CYB5A: variants seen among roughly 807,000 people sequenced by gnomAD.
CYB5A encodes cytochrome b5.
Under a neutral mutation model 16.2 loss-of-function variants are expected in CYB5A, and 10 were observed. That is an observed-to-expected ratio of 0.62 (90% CI 0.38 to 1.04). The LOEUF (loss-of-function observed/expected upper bound fraction) is 1.04, where lower values mean the gene tolerates loss of function less well. Ranked by LOEUF, CYB5A falls within the 50% of genes least tolerant of loss-of-function variation. The pLI is 0.01. For synonymous variants in CYB5A, 62 were observed against 57.0 expected, an observed-to-expected ratio of 1.09 and a Z score of -0.40; for missense variants, 161 against 165.9, an observed-to-expected ratio of 0.97 and a Z score of 0.16.
intron 3 of CYB5A, chr18:74,256,473 C>G: frequency 3.7e-6 from 1 of 269,636 alleles, no homozygotes; most frequent in Non-Finnish European, 7.0e-6. Flanking sequence ...GGGAGCAGCT[C>G]TTTTGAGTAG....
At chr18:74,256,806 A>G in intron 3 of CYB5A, 1 of 1,612,388 alleles carries the variant, frequency 6.2e-7, no homozygotes, top group Non-Finnish European at 8.5e-7. Context: ...AAAAGCAAGC[A>G]AAGCAGTTAT....
chr18:74,291,000 G>C (rs1207759359), intron 1 of CYB5A: 1 of 154,200 alleles, frequency 6.5e-6, no homozygotes, highest in Non-Finnish European at 1.4e-5. Flanking sequence ...ACGGCACCTG[G>C]CTGCCAAGGC....
intron 1 of CYB5A, among the ~76,000 whole-genome samples, chr18:74,288,078 C>A (rs1280288602): frequency 1.3e-5 from 2 of 152,186 alleles, no homozygotes; most frequent in Non-Finnish European, 2.9e-5. Flanking sequence ...AACTAAGCAC[C>A]TGCTGCTATG....
chr18:74,259,438 C>T (rs534624932), intron 3 of CYB5A: 2 of 152,248 alleles, frequency 1.3e-5, no homozygotes, highest in South Asian at 2.1e-4. Context: ...TAGTAATGGG[C>T]AATTAATCCA....
chr18:74,278,215 G>A (rs894356314), intron 1 of CYB5A, among the ~76,000 whole-genome samples: 3 of 152,098 alleles, frequency 2.0e-5, no homozygotes, highest in Admixed American at 6.5e-5. Flanking sequence ...CTGACTCCAC[G>A]CCAAGTCTCC....
At chr18:74,254,614 G>C (rs13381982) in intron 4 of CYB5A, among the ~76,000 whole-genome samples, 1 of 151,490 alleles carries the variant, frequency 6.6e-6, no homozygotes, top group African/African-American at 2.4e-5. Flanking sequence ...CCGCCTCCTG[G>C]GTTCACACCA....
intron 1 of CYB5A, among the ~76,000 whole-genome samples, chr18:74,277,715 C>T (rs150258511): frequency 2.8e-4 from 42 of 152,314 alleles, no homozygotes; most frequent in Admixed American, 8.5e-4. Flanking sequence ...AACGCTTAGA[C>T]TCTGTGTGAA....
rs1981820210 is a variant in CYB5A, at chr18:74,252,891, CA to C, written c.*692del. The C allele has an allele frequency of 6.6e-6, 1 of 152,370 alleles. No individual in the cohort carries two copies. The highest frequency in any genetic ancestry group is 1.5e-5 in the Non-Finnish European group (1 of 68,236). 9.4% of individuals were successfully genotyped at this position (152,370 alleles called of 1,614,324 possible). On this transcript the variant is annotated 3_prime_UTR_variant, in exon 5 of 5. Coordinates refer to ENST00000340533, the MANE Select transcript of CYB5A (RefSeq NM_148923.4). ...GCTAATTTTGTATTTTTAGTAGAGA[CA>C]GGGTTTCACCATGTTGGTCAGGCTG...
At chr18:74,257,295 G>A in intron 3 of CYB5A, 1 of 182,960 alleles carries the variant, frequency 5.5e-6, no homozygotes, top group Admixed American at 5.5e-5. Flanking sequence ...TCTGGCACCA[G>A]CATCATCAGC....
chr18:74,262,831 G>A (rs1449350438), intron 2 of CYB5A, among the ~76,000 whole-genome samples: 1 of 152,194 alleles, frequency 6.6e-6, no homozygotes, highest in Non-Finnish European at 1.5e-5. Context: ...GGTGGAGCCT[G>A]CTGACTAAAA....
chr18:74,289,806 G>C (rs1351783013), intron 1 of CYB5A, among the ~76,000 whole-genome samples: 1 of 151,432 alleles, frequency 6.6e-6, no homozygotes, highest in African/African-American at 2.4e-5. Flanking sequence ...AATAGGGGAG[G>C]TGGTGGTACC....
chr18:74,261,926 AT>A (rs1982216735), intron 2 of CYB5A, among the ~76,000 whole-genome samples: 1 of 152,098 alleles, frequency 6.6e-6, no homozygotes, highest in Non-Finnish European at 1.5e-5. Flanking sequence ...GCTGCTAACC[AT>A]GCACCACAAG....
Position 74,283,852 on chromosome 18 carries a change from C to A in CYB5A, c.129+7895G>T, listed in dbSNP as rs142951317. Among the ~76,000 whole-genome samples the A allele has an allele frequency of 2.5e-3, 385 of 152,308 alleles. 1 individual carries two copies. The highest frequency in any genetic ancestry group is 8.9e-3 in the African/African-American group (370 of 41,572). ...CTTATCGTCTGTGGGACTTGCTGAG[C>A]AAGCTGCAAAATCTCCCTAAGACAT... On this transcript the variant is annotated intron_variant, in intron 1 of 4. Transcript: ENST00000340533.
At chr18:74,280,315 G>A (rs568777942) in intron 1 of CYB5A, among the ~76,000 whole-genome samples, 70 of 151,872 alleles carry the variant, frequency 4.6e-4, no homozygotes, top group African/African-American at 1.6e-3. Flanking sequence ...TGTAATCCTG[G>A]CACTTTGGGA....
At chr18:74,291,643 G>A in intron 1 of CYB5A, 104 bp downstream of exon 1, 2 of 1,546,270 alleles carry the variant, frequency 1.3e-6, no homozygotes, top group East Asian at 2.3e-5. Context: ...GGCGCGCCTA[G>A]GCGTAGGTAT....
chr18:74,257,233 C>T (rs1982021744), intron 3 of CYB5A: 1 of 273,876 alleles, frequency 3.7e-6, no homozygotes, highest in South Asian at 4.2e-5. Flanking sequence ...CCCACCTGCC[C>T]TCCTGCTGCC....
intron 4 of CYB5A, among the ~76,000 whole-genome samples, chr18:74,254,999 A>G (rs764639483): frequency 4.6e-5 from 7 of 152,256 alleles, no homozygotes; most frequent in Non-Finnish European, 7.3e-5. Context: ...CATAAGAATT[A>G]CAAGTGTAAC....
chr18:74,255,566 C>A (rs996427671), intron 4 of CYB5A, among the ~76,000 whole-genome samples, 175 bp downstream of exon 4: 1 of 152,118 alleles, frequency 6.6e-6, no homozygotes. Flanking sequence ...TGTTCACAGT[C>A]GGCTACCTGA....
chr18:74,279,569 A>AAAG (rs147314006), intron 1 of CYB5A, among the ~76,000 whole-genome samples: 35,603 of 152,028 alleles, frequency 0.23, 4,454 homozygotes, highest in South Asian at 0.34. Context: ...ATAAAAAACA[A>AAAG]AAGAGATAAT....
Sources: gnomAD v4.1 joint callset for allele counts (sites outside exome capture counted in the v4.1 genomes callset) on GRCh38, gnomAD v4.1.1 for gene constraint, MANE v1.5 for transcripts, NCBI Gene and HGNC (gene_info 2026-07-23, HGNC 2026-07-21) for gene names.